The following FOXP1 variants were observed in gnomAD, a reference collection of about 807,000 sequenced individuals.
The protein encoded by FOXP1 is forkhead box P1.
FOXP1 carries 15 observed loss-of-function variants against 98.2 expected under a neutral mutation model. The observed-to-expected ratio is 0.15, with a 90% CI of 0.10 to 0.24. The LOEUF (loss-of-function observed/expected upper bound fraction) is 0.24. Ranked by LOEUF, FOXP1 falls within the 10% of genes least tolerant of loss-of-function variation. FOXP1 has a pLI of 1.00. For synonymous variants in FOXP1, 371 were observed against 314.5 expected (o/e 1.18, Z -1.90); for missense variants, 633 against 848.5 (o/e 0.75, Z 3.15).
At chr3:70,963,910 C>T (rs903620967) in intron 20 of FOXP1, among the ~76,000 whole-genome samples, 3 of 152,100 alleles carry the variant, frequency 2.0e-5, no homozygotes, top group South Asian at 2.1e-4. Flanking sequence ...TTAGCTAGGC[C>T]GCCTTCCTAA....
At chr3:71,469,234 T>C (rs2089084704) in intron 3 of FOXP1, among the ~76,000 whole-genome samples, 1 of 152,222 alleles carries the variant, frequency 6.6e-6, no homozygotes, top group African/African-American at 2.4e-5. Context: ...TTATACTGCA[T>C]TTGTGGATAC....
At chr3:71,008,809 C>T (rs1335118795) in intron 12 of FOXP1, among the ~76,000 whole-genome samples, 2 of 151,862 alleles carry the variant, frequency 1.3e-5, no homozygotes, top group Non-Finnish European at 2.9e-5. Flanking sequence ...AGAAAAGTGT[C>T]AAATCTCTGG....
chr3:71,232,341 G>A (rs757725758), intron 5 of FOXP1, among the ~76,000 whole-genome samples: 15 of 152,122 alleles, frequency 9.9e-5, no homozygotes, highest in Non-Finnish European at 1.9e-4. Context: ...GGCTTGCTGA[G>A]AAAAAGTACT....
At chr3:71,243,829 T>C (rs1432218464) in intron 5 of FOXP1, among the ~76,000 whole-genome samples, 1 of 152,222 alleles carries the variant, frequency 6.6e-6, no homozygotes, top group Non-Finnish European at 1.5e-5. Flanking sequence ...ACTCTTTCTA[T>C]TGTATTGCCA....
intron 2 of FOXP1, among the ~76,000 whole-genome samples, chr3:71,520,693 G>A (rs1221616532): frequency 1.3e-5 from 2 of 152,244 alleles, no homozygotes; most frequent in South Asian, 2.1e-4. Flanking sequence ...GCTGAGAACA[G>A]TGTGTATCAG....
chr3:70,999,438 G>C (rs889785362), intron 13 of FOXP1, among the ~76,000 whole-genome samples: 2 of 152,112 alleles, frequency 1.3e-5, no homozygotes. Flanking sequence ...AGAACTCTGT[G>C]GGTGGGTTAC....
At chr3:71,186,615 A>G (rs1560083448) in intron 6 of FOXP1, among the ~76,000 whole-genome samples, 1 of 152,116 alleles carries the variant, frequency 6.6e-6, no homozygotes, top group Non-Finnish European at 1.5e-5. Context: ...GGAGGCTGAG[A>G]CAGGAGAATC....
At chr3:71,515,795 A>G (rs890032921) in intron 2 of FOXP1, among the ~76,000 whole-genome samples, 1 of 152,224 alleles carries the variant, frequency 6.6e-6, no homozygotes, top group Non-Finnish European at 1.5e-5. Context: ...CTACCAGGGT[A>G]GTGAGACCAG....
chr3:71,197,810 T>A, intron 6 of FOXP1: 1 of 1,415,208 alleles, frequency 7.1e-7, no homozygotes, highest in Non-Finnish European at 9.9e-7. Flanking sequence ...CCTTAGCTCT[T>A]ATTTCCTTCT....
At chr3:71,091,218 G>A (rs1022556887) in intron 7 of FOXP1, among the ~76,000 whole-genome samples, 3 of 151,658 alleles carry the variant, frequency 2.0e-5, no homozygotes, top group Admixed American at 1.3e-4. Flanking sequence ...GCCCAGGCAC[G>A]GTGGCTCACG....
At chr3:71,482,216 C>T (rs940069058) in intron 3 of FOXP1, among the ~76,000 whole-genome samples, 17 of 152,114 alleles carry the variant, frequency 1.1e-4, no homozygotes, top group African/African-American at 3.4e-4. Flanking sequence ...CCAGGTACCA[C>T]TTGCACAGTA....
At chr3:71,154,355 C>G (rs2060720004) in intron 6 of FOXP1, among the ~76,000 whole-genome samples, 1 of 152,134 alleles carries the variant, frequency 6.6e-6, no homozygotes, top group Admixed American at 6.6e-5. Flanking sequence ...CCTGGAATTT[C>G]TTAAGACTGA....
intron 2 of FOXP1, among the ~76,000 whole-genome samples, chr3:71,547,042 A>G (rs896649621): frequency 2.0e-5 from 3 of 152,218 alleles, no homozygotes; most frequent in African/African-American, 7.2e-5. Flanking sequence ...ATAAATACTC[A>G]GGGCTGAATT....
intron 3 of FOXP1, among the ~76,000 whole-genome samples, chr3:71,426,317 CTT>C (rs1268957193): frequency 1.3e-5 from 2 of 152,130 alleles, no homozygotes; most frequent in Non-Finnish European, 2.9e-5. Context: ...TCTGTAAACT[CTT>C]GTTAGATGGG....
In FOXP1 at chr3:71,125,171, G is replaced by T. The variant is rs531801123; in HGVS notation, c.181-12534C>A. Among the ~76,000 whole-genome samples the T allele has an allele frequency of 1.3e-4, 20 of 152,334 alleles. No individual in the cohort carries two copies. The East Asian group carries it at 3.9e-3, about 29-fold the overall frequency. ...AAATATTGAGCTAGGGGGAGATGAT[G>T]ATACTGGTGGTGATACTATCAATGA... On this transcript the variant is annotated intron_variant, in intron 6 of 20. Coordinates refer to ENST00000649528, the MANE Select transcript of FOXP1 (RefSeq NM_001349338.3).
chr3:71,407,426 A>G (rs1439281877), intron 3 of FOXP1, among the ~76,000 whole-genome samples: 1 of 152,176 alleles, frequency 6.6e-6, no homozygotes, highest in African/African-American at 2.4e-5. Context: ...TTAAACACAT[A>G]TGGCTCAAGC....
At chr3:71,408,021 C>A (rs1306560185) in intron 3 of FOXP1, among the ~76,000 whole-genome samples, 3 of 152,112 alleles carry the variant, frequency 2.0e-5, no homozygotes, top group Non-Finnish European at 4.4e-5. Flanking sequence ...GGAAAGAGAG[C>A]AGTCAAGCAG....
At chr3:71,561,983 T>C (rs1171221891) in intron 2 of FOXP1, among the ~76,000 whole-genome samples, 1 of 152,154 alleles carries the variant, frequency 6.6e-6, no homozygotes, top group Non-Finnish European at 1.5e-5. Flanking sequence ...TCTAGACCAC[T>C]ACAAAGTACT....
chr3:71,200,344 A>C (rs1249518334), intron 5 of FOXP1, among the ~76,000 whole-genome samples: 1 of 152,186 alleles, frequency 6.6e-6, no homozygotes, highest in Non-Finnish European at 1.5e-5. Context: ...AGTGCTGCTG[A>C]TGATTGTTAC....
Sources: allele counts gnomAD v4.1 joint callset (sites outside exome capture counted in the v4.1 genomes callset), GRCh38; gene constraint gnomAD v4.1.1; transcripts MANE v1.5; gene names NCBI Gene and HGNC (gene_info 2026-07-23, HGNC 2026-07-21).